ATRX: variants seen among roughly 807,000 people sequenced by gnomAD.
ATRX encodes the protein chromatin remodeler ATRX.
ATRX carries 12 observed loss-of-function variants against 172.6 expected under a neutral mutation model. That is an observed-to-expected ratio of 0.07 (90% confidence interval 0.04 to 0.11). The LOEUF is 0.11. Ranked by LOEUF, ATRX falls within the 10% of genes least tolerant of loss-of-function variation. The probability of loss-of-function intolerance (pLI) is 1.00; values close to 1 mark genes in which losing one functional copy is unlikely to be tolerated. For synonymous variants in ATRX, 674 were observed against 594.7 expected (o/e 1.13, Z -1.94); for missense variants, 1,368 against 1,767.4 (o/e 0.77, Z 4.05).
chrX:77,678,941 T>C (rs1026623360), intron 9 of ATRX, among the ~76,000 whole-genome samples: 8 of 111,126 alleles, frequency 7.2e-5, no homozygotes, highest in Non-Finnish European at 9.4e-5. Context: ...ACCCAAATAC[T>C]GCGAATAAAC....
intron 17 of ATRX, 37 bp from the exon 18 acceptor site, chrX:77,633,749 C>T (rs781964325): frequency 8.6e-6 from 10 of 1,163,069 alleles, no homozygotes; most frequent in Middle Eastern, 2.4e-4. Context: ...GTTTAAATAT[C>T]CACAAAAAAA....
intron 25 of ATRX, 174 bp from the exon 26 acceptor site, chrX:77,594,023 CAG>C (rs2066379230): frequency 6.9e-6 from 3 of 433,979 alleles, no homozygotes; most frequent in Non-Finnish European, 1.2e-5. Flanking sequence ...CACAGAAGGA[CAG>C]AGACTATCCC....
chrX:77,560,497 A>T (rs782632306), intron 28 of ATRX, among the ~76,000 whole-genome samples: 75 of 111,326 alleles, frequency 6.7e-4, no homozygotes, highest in Non-Finnish European at 1.1e-3. Context: ...TAATTTATTT[A>T]ATAATTTGCT....
intron 7 of ATRX, among the ~76,000 whole-genome samples, chrX:77,685,333 T>C (rs1326534362): frequency 3.6e-5 from 4 of 111,989 alleles, no homozygotes; most frequent in African/African-American, 1.3e-4. Flanking sequence ...GCTCCAACAA[T>C]TCTATAGGAA....
chrX:77,780,608 G>A lies in ATRX; in HGVS notation c.20+5374C>T, dbSNP rs1453122117. Among the ~76,000 whole-genome samples, 9 of 109,343 alleles carry A rather than the reference G, an allele frequency of 8.2e-5. No homozygotes were observed. In the East Asian group the frequency reaches 2.1e-3, roughly 25 times the overall value. 95.0% of individuals were successfully genotyped at this position (109,343 alleles called of 115,157 possible). ...CTCCCAAAGTGCTGGGATTACAGGC[G>A]TGAGCCACTGCACGTGGCCTGTAAG... On this transcript the variant is annotated intron_variant, in intron 1 of 34. Transcript: ENST00000373344.
intron 26 of ATRX, among the ~76,000 whole-genome samples, chrX:77,592,523 T>C: frequency 9.2e-6 from 1 of 108,952 alleles, no homozygotes; most frequent in African/African-American, 3.4e-5. Flanking sequence ...TAAAAATATG[T>C]TTTTGGAGGC....
At chrX:77,591,924 C>G (rs2066271109) in intron 26 of ATRX, among the ~76,000 whole-genome samples, 1 of 111,530 alleles carries the variant, frequency 9.0e-6, no homozygotes, top group African/African-American at 3.3e-5. Context: ...GTTCTGGGAA[C>G]CACTGAACTC....
chrX:77,596,925 C>T lies in ATRX; in HGVS notation c.5956+2486G>A, dbSNP rs184103608. 4 of 110,496 alleles carry T rather than the reference C, an allele frequency of 3.6e-5. No homozygotes were observed. The East Asian group carries it at 1.1e-3, about 31-fold the overall frequency. 9.1% of individuals were successfully genotyped at this position (110,496 alleles called of 1,213,427 possible). On this transcript the variant is annotated intron_variant, in intron 25 of 34. Transcript: ENST00000373344. ...TGGTCTACTCTTCTGCTCCTGTTAG[C>T]CATAAGTTATGAGAAAAAATTCAAC...
intron 5 of ATRX, among the ~76,000 whole-genome samples, chrX:77,694,692 A>C (rs782601949): frequency 9.0e-6 from 1 of 110,499 alleles, no homozygotes; most frequent in South Asian, 3.9e-4. Context: ...AAGAGCAAAT[A>C]AGACAGGCAT....
intron 30 of ATRX, among the ~76,000 whole-genome samples, chrX:77,543,565 C>A (rs1286147081): frequency 5.4e-5 from 6 of 111,800 alleles, no homozygotes; most frequent in African/African-American, 2.0e-4. Flanking sequence ...ACTCAAATGC[C>A]CATCAATGAC....
rs1268175916 is a variant in ATRX at position 77,677,664 on chromosome X, T to A, written c.3737-1366A>T. 1.3e-4 allele frequency among the ~76,000 whole-genome samples: 8 copies of A among 60,349 alleles called. No individual in the cohort carries two copies. The East Asian group carries it at 3.5e-3, about 27-fold the overall frequency. The allele number at this position is 60,349 out of a possible 115,157, so 52.4% of individuals were successfully genotyped here. ...GTAAAGGTTATCTGAGACCTCCCTG[T>A]ATTTTTTTTTTTTTTTACAAATTTC... On this transcript the variant is annotated intron_variant, in intron 9 of 34. Coordinates refer to ENST00000373344, the MANE Select transcript of ATRX (RefSeq NM_000489.6).
At chrX:77,715,582 T>A (rs2073335147) in intron 2 of ATRX, among the ~76,000 whole-genome samples, 1 of 112,521 alleles carries the variant, frequency 8.9e-6, no homozygotes, top group Non-Finnish European at 1.9e-5. Context: ...GAGCTGCCAG[T>A]GTTACTGTTA....
At chrX:77,713,105 C>T (rs2073194969) in intron 2 of ATRX, among the ~76,000 whole-genome samples, 2 of 110,838 alleles carry the variant, frequency 1.8e-5, no homozygotes, top group African/African-American at 3.3e-5. Flanking sequence ...TCTGAGATCA[C>T]GCCACTGAAC....
chrX:77,744,053 T>C (rs2074975437), intron 1 of ATRX, among the ~76,000 whole-genome samples: 1 of 112,755 alleles, frequency 8.9e-6, no homozygotes, highest in African/African-American at 3.2e-5. Flanking sequence ...CGGTGGTTCA[T>C]GCCTGTAATC....
At chrX:77,741,315 C>T (rs782307237) in intron 1 of ATRX, among the ~76,000 whole-genome samples, 58 of 111,260 alleles carry the variant, frequency 5.2e-4, no homozygotes, top group South Asian at 2.7e-3. Flanking sequence ...GTTTTCTTTT[C>T]GCTGCTCAGT....
In ATRX at chrX:77,786,121, A is replaced by T; in HGVS notation, c.-120T>A. 7 of 851,871 alleles carry T rather than the reference A, an allele frequency of 8.2e-6. No homozygotes were observed. Among genetic ancestry groups the T allele is most frequent in the Non-Finnish European group, 1.1e-5 (7 of 613,005 alleles). The allele number at this position is 851,871 out of a possible 1,213,427, so 70.2% of individuals were successfully genotyped here. ...AGTCGTCACTGTAGCTGCTGCTGGA[A>T]CCTCCCCACAGCTCAAAGGCCGCTA... On this transcript the variant is annotated 5_prime_UTR_variant, in exon 1 of 35. Coordinates refer to ENST00000373344, the MANE Select transcript of ATRX (RefSeq NM_000489.6).
intron 1 of ATRX, among the ~76,000 whole-genome samples, chrX:77,763,423 C>T (rs2075792329): frequency 1.0e-5 from 1 of 99,804 alleles, no homozygotes; most frequent in Non-Finnish European, 2.0e-5. Context: ...GGATTACAGG[C>T]GTGAGCCACC....
rs2062684952 is a variant in ATRX at position 77,505,137 on chromosome X, G to C, written c.*3214C>G. The stretch of plus-strand genomic sequence containing the variant: ...TTTTTAGTATAATAAACATGTAAAA[G>C]GATTGACCTGTTTTACTGGTAGAAT... On this transcript the variant is annotated 3_prime_UTR_variant, in exon 35 of 35. Coordinates refer to ENST00000373344, the MANE Select transcript of ATRX (RefSeq NM_000489.6). 1 of 172,522 alleles carries C rather than the reference G, an allele frequency of 5.8e-6. No individual in the cohort carries two copies. The highest frequency in any genetic ancestry group is 8.3e-5 in the East Asian group (1 of 12,030). 14.2% of individuals were successfully genotyped at this position (172,522 alleles called of 1,213,427 possible). A position where few individuals can be genotyped will look rare whatever the true frequency, so the allele number is the denominator to read the frequency against.
intron 15 of ATRX, among the ~76,000 whole-genome samples, chrX:77,651,247 A>AAAAG (rs2069222990): frequency 3.9e-5 from 4 of 102,719 alleles, no homozygotes; most frequent in Non-Finnish European, 7.8e-5. Context: ...AAAAAAAAAA[A>AAAAG]GATGAAACAA....
Sources: allele counts gnomAD v4.1 joint callset (sites outside exome capture counted in the v4.1 genomes callset), GRCh38; gene constraint gnomAD v4.1.1; transcripts MANE v1.5; gene names NCBI Gene and HGNC (gene_info 2026-07-23, HGNC 2026-07-21).